The following NUAK1 variants were observed in gnomAD, a reference collection of about 807,000 sequenced individuals.
NUAK1 encodes NUAK family kinase 1.
Under a neutral mutation model 56.9 loss-of-function variants are expected in NUAK1, and 26 were observed. That is an observed-to-expected ratio of 0.46 (90% CI 0.33 to 0.63). The LOEUF (loss-of-function observed/expected upper bound fraction) is 0.63. NUAK1 is among the 30% of genes least tolerant of loss of function. The pLI, the probability that NUAK1 is intolerant of heterozygous loss-of-function variation, is 0.02. For missense variants in NUAK1, 727 were observed against 876.1 expected, an observed-to-expected ratio of 0.83 and a Z score of 2.15; for synonymous variants, 337 against 336.0, an observed-to-expected ratio of 1.00 and a Z score of -0.03.
chr12:106,075,265 G>A (rs561373462), intron 4 of NUAK1, among the ~76,000 whole-genome samples: 34 of 143,514 alleles, frequency 2.4e-4, no homozygotes, highest in Middle Eastern at 3.6e-3. Flanking sequence ...TTGGCACTTC[G>A]ATGGGAAAGC....
At chr12:106,108,129 T>C (rs2032822052) in intron 1 of NUAK1, among the ~76,000 whole-genome samples, 1 of 152,042 alleles carries the variant, frequency 6.6e-6, no homozygotes, top group African/African-American at 2.4e-5. Flanking sequence ...GTTGCTGTTA[T>C]TAATTGATGC....
chr12:106,130,167 A>G (rs1165211080), intron 1 of NUAK1, among the ~76,000 whole-genome samples: 6 of 152,188 alleles, frequency 3.9e-5, no homozygotes, highest in African/African-American at 1.4e-4. Flanking sequence ...CTTTTAGTAG[A>G]GACGGGGTTT....
intron 1 of NUAK1, among the ~76,000 whole-genome samples, chr12:106,129,849 T>A (rs1004025569): frequency 1.3e-5 from 2 of 152,194 alleles, no homozygotes; most frequent in African/African-American, 4.8e-5. Context: ...ATTTTCCAGA[T>A]GAGTAAACAG....
chr12:106,067,461 G>C lies in NUAK1; in HGVS notation c.1327C>G (p.Pro443Ala). ...QDLCRTGVLL[P>A]SSPEAEVPGK... Reference sequence around the variant, plus strand: ...GGCACCTCTGCCTCTGGTGAGCTTGGGAGGAGCACGCCAGTCCTGCACAAG... The same window carrying C: ...GGCACCTCTGCCTCTGGTGAGCTTGCGAGGAGCACGCCAGTCCTGCACAAG... The change falls in exon 7 of 7, where the codon CCA (proline) becomes GCA (alanine). Residue 443 changes from proline (P) to alanine (A), a missense_variant. Physicochemically the swap from Pro to Ala is conservative, Grantham distance 27 (BLOSUM62 -1). Coordinates refer to ENST00000261402, the MANE Select transcript of NUAK1 (RefSeq NM_014840.3). The surrounding 1 kb of genome is among the most constrained non-coding windows in gnomAD (Gnocchi z 6.0). The C allele has an allele frequency of 1.9e-6, 3 of 1,614,184 alleles. No homozygotes were observed. Among genetic ancestry groups the C allele is most frequent in the Non-Finnish European group, 2.5e-6 (3 of 1,180,038 alleles).
intron 1 of NUAK1, among the ~76,000 whole-genome samples, chr12:106,127,216 G>T (rs554777217): frequency 6.6e-6 from 1 of 152,186 alleles, no homozygotes; most frequent in East Asian, 1.9e-4. Flanking sequence ...CCAGGCTGGA[G>T]TGCAGTGGTG....
chr12:106,095,726 G>A (rs932574196), intron 2 of NUAK1, among the ~76,000 whole-genome samples: 1 of 152,222 alleles, frequency 6.6e-6, no homozygotes, highest in African/African-American at 2.4e-5. Context: ...GTATGTGTGT[G>A]ATGGGTTGGA....
chr12:106,088,251 T>C (rs1283016278), intron 2 of NUAK1, among the ~76,000 whole-genome samples: 1 of 152,190 alleles, frequency 6.6e-6, no homozygotes, highest in Non-Finnish European at 1.5e-5. Flanking sequence ...ATCATCACTC[T>C]TAAGGGATAT....
chr12:106,091,337 A>AACTTAGCTCAGCCTGAGTCAG (rs1272542298), intron 2 of NUAK1, among the ~76,000 whole-genome samples: 1 of 152,152 alleles, frequency 6.6e-6, no homozygotes, highest in Non-Finnish European at 1.5e-5. Context: ...CCTGAATAGA[A>AACTTAGCTCAGCCTGAGTCAG]ACTTAGCTCA....
intron 2 of NUAK1, among the ~76,000 whole-genome samples, chr12:106,087,190 C>T (rs531732580): frequency 7.9e-5 from 12 of 152,322 alleles, no homozygotes; most frequent in Admixed American, 4.6e-4. Context: ...TCTCCCAGAA[C>T]GGCTTTCCTG....
intron 2 of NUAK1, among the ~76,000 whole-genome samples, chr12:106,099,159 T>TA (rs2032724831): frequency 2.0e-5 from 3 of 152,220 alleles, no homozygotes; most frequent in Non-Finnish European, 4.4e-5. Context: ...CCTTCACCCA[T>TA]GGGTCAATAG....
intron 2 of NUAK1, among the ~76,000 whole-genome samples, chr12:106,097,772 G>A (rs901182048): frequency 5.3e-5 from 8 of 152,192 alleles, no homozygotes; most frequent in Non-Finnish European, 2.9e-5. Flanking sequence ...TCAGAGACAC[G>A]TGGAGGGCTA....
intron 1 of NUAK1, among the ~76,000 whole-genome samples, chr12:106,120,090 C>CTGAA (rs1197702149): frequency 1.3e-5 from 2 of 152,292 alleles, no homozygotes; most frequent in South Asian, 4.1e-4. Context: ...TCATGGCAGG[C>CTGAA]TGAACACTAG....
chr12:106,073,685 G>A (rs993002223), intron 4 of NUAK1, among the ~76,000 whole-genome samples: 27 of 152,126 alleles, frequency 1.8e-4, no homozygotes, highest in Non-Finnish European at 3.8e-4. Context: ...GGGCGTGGTG[G>A]TGCATGCCTG....
At chr12:106,124,929 G>A (rs550139706) in intron 1 of NUAK1, among the ~76,000 whole-genome samples, 9 of 152,046 alleles carry the variant, frequency 5.9e-5, no homozygotes, top group Admixed American at 3.9e-4. Context: ...CCCGGGAGGT[G>A]GAGGTTGCAA....
intron 1 of NUAK1, among the ~76,000 whole-genome samples, chr12:106,130,751 T>C (rs182693425): frequency 1.3e-5 from 2 of 152,344 alleles, no homozygotes; most frequent in Admixed American, 6.5e-5. Flanking sequence ...TGTATCCACC[T>C]GGAGGAGGCC....
At position 106,117,181 on chromosome 12, in the gene NUAK1, C is replaced by T. The variant is rs75915763; in HGVS notation, c.241-10656G>A. Among the ~76,000 whole-genome samples the T allele has an allele frequency of 8.0e-4, 122 of 152,320 alleles. 1 individual carries two copies. The East Asian group carries it at 0.015, about 19-fold the overall frequency. On this transcript the variant is annotated intron_variant, in intron 1 of 6. Transcript: ENST00000261402. ...TTGAAAGAGACCAAGATACTTCACCCTCTCCCATGCCAACAGGCAGGCACA... is the reference window on the plus strand; with the variant it reads ...TTGAAAGAGACCAAGATACTTCACCTTCTCCCATGCCAACAGGCAGGCACA...
At chr12:106,101,919 G>A (rs1264715774) in intron 2 of NUAK1, among the ~76,000 whole-genome samples, 1 of 152,200 alleles carries the variant, frequency 6.6e-6, no homozygotes. Context: ...ATAAAGTCAT[G>A]GGATCCTGGG....
intron 1 of NUAK1, among the ~76,000 whole-genome samples, chr12:106,114,182 T>C (rs1046710463): frequency 2.0e-5 from 3 of 152,226 alleles, no homozygotes; most frequent in Non-Finnish European, 2.9e-5. Flanking sequence ...ACTGGTAGCA[T>C]CTGATCACTC....
At chr12:106,121,226 A>G (rs537868685) in intron 1 of NUAK1, among the ~76,000 whole-genome samples, 7 of 152,282 alleles carry the variant, frequency 4.6e-5, no homozygotes, top group African/African-American at 1.7e-4. Context: ...CTTTAACCCT[A>G]AAGTGAGGAC....
Sources: gnomAD v4.1 joint callset for allele counts (sites outside exome capture counted in the v4.1 genomes callset) on GRCh38, gnomAD v4.1.1 for gene constraint, Gnocchi (gnomAD v3.1) non-coding constraint, MANE v1.5 for transcripts, NCBI Gene and HGNC (gene_info 2026-07-23, HGNC 2026-07-21) for gene names.